CERS3: variants seen among roughly 807,000 people sequenced by gnomAD.
CERS3 encodes ceramide synthase 3.
Under a neutral mutation model 50.3 loss-of-function variants are expected in CERS3, and 33 were observed. The ratio of observed to expected loss-of-function variants is 0.66; its 90% CI spans 0.50 to 0.88. CERS3 has a LOEUF of 0.88. CERS3 is among the 40% of genes least tolerant of loss of function. The probability of loss-of-function intolerance (pLI) is 0.00; values close to 1 mark genes in which losing one functional copy is unlikely to be tolerated. For missense variants in CERS3, 470 were observed against 460.3 expected (o/e 1.02, Z -0.19); for synonymous variants, 176 against 155.2 (o/e 1.13, Z -0.99).
At position 100,501,750 on chromosome 15, in the gene CERS3, C is replaced by A. The variant is rs749381899; in HGVS notation, c.100G>T (p.Val34Leu). ...GTCACGTATAAATGAGAAGGTTTTA[C>A]AAAGACGAGTCCATCGTGATCCTCA... ...DLEDHDGLVF[V>L]KPSHLYVTIP... Residue 34 changes from valine to leucine, a missense_variant, in exon 3 of 12, where the codon GTA (valine) becomes TTA (leucine). By Grantham distance (32) the Val-to-Leu change is conservative (BLOSUM62 1). Coordinates refer to ENST00000679737, the MANE Select transcript of CERS3 (RefSeq NM_001378789.1). 1 of 1,614,088 alleles carries A rather than the reference C, an allele frequency of 6.2e-7. No individual in the cohort carries two copies. The highest frequency in any genetic ancestry group is 8.5e-7 in the Non-Finnish European group (1 of 1,179,944).
rs755700746 is a variant in CERS3 at position 100,436,942 on chromosome 15, CTTTT to C, written c.999+18947_999+18950del. ...GGAAGTAGCATCTGTTCTTTCCTGA[CTTTT>C]TTTTTTTTTTTTTTTGAGATGGAGT... On this transcript the variant is annotated intron_variant, in intron 11 of 11. Transcript: ENST00000679737. Among the ~76,000 whole-genome samples, 7 of 129,576 alleles carry C rather than the reference CTTTT, an allele frequency of 5.4e-5. No individual in the cohort carries two copies. In the East Asian group the frequency reaches 1.3e-3, roughly 24 times the overall value. The allele number at this position is 129,576 out of a possible 152,430, so 85.0% of individuals were successfully genotyped here.
At chr15:100,502,267 A>AAAAAAAAAAAAAAAAAAAAAAAG (rs2036033219) in intron 2 of CERS3, among the ~76,000 whole-genome samples, 31 of 109,254 alleles carry the variant, frequency 2.8e-4, no homozygotes, top group Middle Eastern at 6.1e-3. Context: ...AAAAAAAAAA[A>AAAAAAAAAAAAAAAAAAAAAAAG]AAAGAAAGAA....
At chr15:100,443,154 C>A (rs549885476) in intron 11 of CERS3, among the ~76,000 whole-genome samples, 1 of 150,362 alleles carries the variant, frequency 6.7e-6, no homozygotes, top group African/African-American at 2.4e-5. Flanking sequence ...CCTTTGCGTC[C>A]TCCTCTTGTA....
At chr15:100,527,598 C>A (rs1488260954) in intron 1 of CERS3, among the ~76,000 whole-genome samples, 1 of 152,216 alleles carries the variant, frequency 6.6e-6, no homozygotes, top group Admixed American at 6.5e-5. Flanking sequence ...TCTTAGTGTG[C>A]AGAAATGCAA....
chr15:100,468,866 G>A (rs776216468), intron 10 of CERS3, among the ~76,000 whole-genome samples: 2 of 152,162 alleles, frequency 1.3e-5, no homozygotes, highest in African/African-American at 4.8e-5. Context: ...AGTGGTCATA[G>A]AGAATGAAAT....
At chr15:100,450,676 G>C (rs371343999) in intron 11 of CERS3, among the ~76,000 whole-genome samples, 2 of 152,164 alleles carry the variant, frequency 1.3e-5, no homozygotes, top group Non-Finnish European at 2.9e-5. Context: ...AAGTTTGCAA[G>C]AGATTTAGAC....
At chr15:100,530,528 A>G (rs1198395880), upstream of CERS3, among the ~76,000 whole-genome samples, 2 of 152,106 alleles carry the variant, frequency 1.3e-5, no homozygotes, top group Admixed American at 6.6e-5. Context: ...CTGTGGGTAT[A>G]CCTTTATTGC....
At chr15:100,494,046 ATTTT>A (rs1168466344) in intron 3 of CERS3, among the ~76,000 whole-genome samples, 1 of 151,450 alleles carries the variant, frequency 6.6e-6, no homozygotes, top group East Asian at 1.9e-4. Context: ...ATAGTGCATA[ATTTT>A]TTGTTTCTTT....
chr15:100,420,912 A>G (rs1358716739), intron 11 of CERS3, among the ~76,000 whole-genome samples: 3 of 149,732 alleles, frequency 2.0e-5, no homozygotes, highest in Non-Finnish European at 4.5e-5. Context: ...TCAATAAATT[A>G]GGTATTGATG....
At chr15:100,530,146 A>G (rs2036903032), upstream of CERS3, among the ~76,000 whole-genome samples, 2 of 152,210 alleles carry the variant, frequency 1.3e-5, no homozygotes, top group African/African-American at 4.8e-5. Context: ...AGACTTGGCC[A>G]CTAACCGAGG....
At chr15:100,498,594 A>T (rs181271765) in intron 3 of CERS3, among the ~76,000 whole-genome samples, 1 of 152,290 alleles carries the variant, frequency 6.6e-6, no homozygotes, top group Non-Finnish European at 1.5e-5. Flanking sequence ...TAGGTTTGCT[A>T]CTATTGCAGA....
intron 11 of CERS3, 21 bp from the exon 12 acceptor site, chr15:100,402,886 G>T (rs757312919): frequency 6.4e-7 from 1 of 1,564,938 alleles, no homozygotes; most frequent in South Asian, 1.2e-5. Flanking sequence ...GAAAGAATTG[G>T]CTGTGAGTGA....
chr15:100,507,806 AGCAGCAGATGGCATCCTGCCGAG>A (rs1228539542), intron 2 of CERS3, among the ~76,000 whole-genome samples: 10 of 152,264 alleles, frequency 6.6e-5, no homozygotes, highest in Non-Finnish European at 8.8e-5. Context: ...ATCCAGCAGC[AGCAGCAGATGGCATCCTGCCGAG>A]GCAGCGGCGG....
At chr15:100,541,580 G>A (rs556214816) in intron 1 of CERS3, among the ~76,000 whole-genome samples, 2 of 152,322 alleles carry the variant, frequency 1.3e-5, no homozygotes, top group South Asian at 2.1e-4. Context: ...TACTGGACCA[G>A]TTTTGAATTA....
intron 1 of CERS3, among the ~76,000 whole-genome samples, chr15:100,526,478 C>CTGTGTG (rs1217852084): frequency 0.02 from 2,670 of 131,536 alleles, 90 homozygotes; most frequent in African/African-American, 0.06. Flanking sequence ...CCTACATAAA[C>CTGTGTG]TGTGTGTGTG....
chr15:100,415,002 T>C (rs1486821673), intron 11 of CERS3, among the ~76,000 whole-genome samples: 1 of 152,100 alleles, frequency 6.6e-6, no homozygotes, highest in Non-Finnish European at 1.5e-5. Flanking sequence ...ACAGGCAACC[T>C]ACAGAATGGG....
At chr15:100,479,221 C>A (rs2035226030) in intron 7 of CERS3, among the ~76,000 whole-genome samples, 1 of 151,482 alleles carries the variant, frequency 6.6e-6, no homozygotes, top group African/African-American at 2.4e-5. Context: ...AGATTTAAAC[C>A]CAAATATGTA....
In CERS3 at chr15:100,501,721, A is replaced by T. The variant is rs757946874; in HGVS notation, c.129T>A (p.Ile43=). Residue 43 remains isoleucine, a synonymous_variant, in exon 3 of 12, where the codon ATT becomes ATA. Transcript: ENST00000679737. ...TAATCAGCAAGAGAAAAGCATATGG[A>T]ATTGTCACGTATAAATGAGAAGGTT... is the stretch of plus-strand genomic sequence containing the variant. ...FVKPSHLYVT[I]PYAFLLLIIR... is the part of the protein sequence containing the mutation. 6.2e-6 allele frequency: 10 copies of T among 1,613,966 alleles called. No individual in the cohort carries two copies. In the South Asian group the frequency reaches 1.1e-4, roughly 18 times the overall value.
intron 4 of CERS3, 44 bp from the exon 5 acceptor site, chr15:100,484,712 T>A: frequency 7.2e-7 from 1 of 1,379,370 alleles, no homozygotes; most frequent in Non-Finnish European, 1.0e-6. Flanking sequence ...AAGAACAGAG[T>A]CAGACTGGCA....
Sources: gnomAD v4.1 joint callset for allele counts (sites outside exome capture counted in the v4.1 genomes callset) on GRCh38, gnomAD v4.1.1 for gene constraint, MANE v1.5 for transcripts, NCBI Gene and HGNC (gene_info 2026-07-23, HGNC 2026-07-21) for gene names.